TGFBR2: variants seen among roughly 807,000 people sequenced by gnomAD.
The protein encoded by TGFBR2 is transforming growth factor beta receptor 2.
In TGFBR2, 18 loss-of-function variants were observed where a neutral mutation model predicts 49.0. That is an observed-to-expected ratio of 0.37 (90% CI 0.25 to 0.54). The LOEUF (loss-of-function observed/expected upper bound fraction) is 0.54, where lower values mean the gene tolerates loss of function less well. Ranked by LOEUF, TGFBR2 falls within the 20% of genes least tolerant of loss-of-function variation. The probability of loss-of-function intolerance (pLI) is 0.85; values close to 1 mark genes in which losing one functional copy is unlikely to be tolerated. For missense variants in TGFBR2, 525 were observed against 722.6 expected (o/e 0.73, Z 3.13); for synonymous variants, 282 against 275.9 (o/e 1.02, Z -0.22).
intron 1 of TGFBR2, among the ~76,000 whole-genome samples, chr3:30,625,708 A>G (rs1698320731): frequency 6.6e-6 from 1 of 152,152 alleles, no homozygotes; most frequent in South Asian, 2.1e-4. Flanking sequence ...TCATCTCCAA[A>G]TGGTACTAGA....
chr3:30,642,411 C>T (rs142139886), intron 1 of TGFBR2, among the ~76,000 whole-genome samples: 42 of 152,256 alleles, frequency 2.8e-4, no homozygotes, highest in African/African-American at 9.6e-4. Flanking sequence ...ATCATCTGGG[C>T]AGCTTCTAAA....
At chr3:30,628,477 T>C (rs1283331282) in intron 1 of TGFBR2, among the ~76,000 whole-genome samples, 1 of 140,468 alleles carries the variant, frequency 7.1e-6, no homozygotes, top group Non-Finnish European at 1.5e-5. Context: ...TTTGGCATGC[T>C]GTGACTTAAA....
intron 5 of TGFBR2, among the ~76,000 whole-genome samples, chr3:30,681,332 A>G (rs1699536926): frequency 6.6e-6 from 1 of 152,104 alleles, no homozygotes; most frequent in South Asian, 2.1e-4. Flanking sequence ...AGCAGATATG[A>G]AAACTCGGGG....
chr3:30,625,206 T>C (rs1258891453), intron 1 of TGFBR2, among the ~76,000 whole-genome samples: 1 of 152,220 alleles, frequency 6.6e-6, no homozygotes, highest in Non-Finnish European at 1.5e-5. Context: ...GGATAGGTGA[T>C]GCTCAATATA....
chr3:30,653,646 A>G (rs796691282), intron 3 of TGFBR2, among the ~76,000 whole-genome samples: 2 of 152,336 alleles, frequency 1.3e-5, no homozygotes, highest in African/African-American at 4.8e-5. Flanking sequence ...TATTATTAGT[A>G]GTACAGTACT....
chr3:30,663,888 G>A (rs9847368), intron 3 of TGFBR2, among the ~76,000 whole-genome samples: 62,487 of 150,356 alleles, frequency 0.42, 13,808 homozygotes, highest in Non-Finnish European at 0.51. Context: ...AATTTCTCTA[G>A]TTTTGAGGGC....
intron 1 of TGFBR2, among the ~76,000 whole-genome samples, chr3:30,621,960 A>G (rs1005689114): frequency 1.3e-5 from 2 of 152,194 alleles, no homozygotes; most frequent in African/African-American, 4.8e-5. Flanking sequence ...TATTTCATAT[A>G]TATAAGCAAC....
intron 3 of TGFBR2, among the ~76,000 whole-genome samples, chr3:30,669,825 A>G (rs189080415): frequency 1.3e-5 from 2 of 152,318 alleles, no homozygotes; most frequent in East Asian, 1.9e-4. Context: ...GCTGCTTTTC[A>G]TTAAAAAGAA....
At chr3:30,667,456 T>A (rs1169878544) in intron 3 of TGFBR2, among the ~76,000 whole-genome samples, 2 of 152,184 alleles carry the variant, frequency 1.3e-5, no homozygotes, top group Admixed American at 1.3e-4. Context: ...TTTCACCACC[T>A]CTTTGAAGTT....
rs764720370 is a variant in TGFBR2, at chr3:30,672,197, G to C, written c.1014G>C (p.Thr338=). The change falls in exon 4 of 7, where the codon ACG becomes ACC. Residue 338 remains threonine, a synonymous_variant. Coordinates refer to ENST00000295754, the MANE Select transcript of TGFBR2 (RefSeq NM_003242.6). The surrounding 1 kb of genome is among the most constrained non-coding windows in gnomAD (Gnocchi z 4.5). The part of the protein sequence containing the change: ...HAKGNLQEYL[T]RHVISWEDLR... ...AGGGCAACCTACAGGAGTACCTGAC[G>C]CGGCATGTCATCAGCTGGGAGGACC... 2 of 1,612,286 alleles carry C rather than the reference G, an allele frequency of 1.2e-6. No homozygotes were observed. Among genetic ancestry groups the C allele is most frequent in the Non-Finnish European group, 8.5e-7 (1 of 1,178,340 alleles).
chr3:30,668,296 G>A (rs901839426), intron 3 of TGFBR2, among the ~76,000 whole-genome samples: 5 of 152,240 alleles, frequency 3.3e-5, no homozygotes, highest in Admixed American at 6.5e-5. Flanking sequence ...TTTGTCAGGA[G>A]AGAAGCAATC....
chr3:30,678,302 C>T (rs1372209176), intron 5 of TGFBR2, among the ~76,000 whole-genome samples: 2 of 152,140 alleles, frequency 1.3e-5, no homozygotes, highest in African/African-American at 4.8e-5. Context: ...AATCCCAACA[C>T]TTTGGGAAGC....
At chr3:30,634,447 A>G (rs535051812) in intron 1 of TGFBR2, among the ~76,000 whole-genome samples, 4 of 152,342 alleles carry the variant, frequency 2.6e-5, no homozygotes, top group South Asian at 2.1e-4. Context: ...AAAATTCCCT[A>G]GAAGAACTTA....
intron 4 of TGFBR2, among the ~76,000 whole-genome samples, chr3:30,673,627 ATG>A (rs1699379478): frequency 6.6e-6 from 1 of 152,230 alleles, no homozygotes; most frequent in African/African-American, 2.4e-5. Context: ...GCACACTGGA[ATG>A]TGCCATGGGA....
At chr3:30,608,653 A>G (rs1042066340) in intron 1 of TGFBR2, among the ~76,000 whole-genome samples, 10 of 152,238 alleles carry the variant, frequency 6.6e-5, no homozygotes, top group African/African-American at 2.2e-4. Context: ...TATGGCATAC[A>G]TTGAAGGTGG....
At chr3:30,623,073 A>G (rs1698263478) in intron 1 of TGFBR2, 1 of 672,924 alleles carries the variant, frequency 1.5e-6, no homozygotes, top group African/African-American at 1.8e-5. Flanking sequence ...ATGTCTAGTT[A>G]TAATAATCTT....
intron 1 of TGFBR2, among the ~76,000 whole-genome samples, chr3:30,610,575 C>T (rs1698011470): frequency 6.6e-6 from 1 of 152,092 alleles, no homozygotes; most frequent in African/African-American, 2.4e-5. Flanking sequence ...ACTTTGGAAT[C>T]AGGCCGTCCT....
At chr3:30,659,066 T>C (rs1320935025) in intron 3 of TGFBR2, among the ~76,000 whole-genome samples, 1 of 152,198 alleles carries the variant, frequency 6.6e-6, no homozygotes, top group Non-Finnish European at 1.5e-5. Flanking sequence ...AGTTCTTGCA[T>C]GTAAGAAATG....
chr3:30,631,036 C>CTTTTTTTTTTTTTTTTTTTTTT (rs34649868), intron 1 of TGFBR2, among the ~76,000 whole-genome samples: 1 of 120,908 alleles, frequency 8.3e-6, no homozygotes, highest in South Asian at 2.7e-4. Context: ...AAGGAGTAGC[C>CTTTTTTTTTTTTTTTTTTTTTT]TTTTTTTTTT....
Sources: allele counts gnomAD v4.1 joint callset (sites outside exome capture counted in the v4.1 genomes callset), GRCh38; gene constraint gnomAD v4.1.1; non-coding constraint Gnocchi (gnomAD v3.1); transcripts MANE v1.5; gene names NCBI Gene and HGNC (gene_info 2026-07-23, HGNC 2026-07-21).